MTCL2: variants seen among roughly 807,000 people sequenced by gnomAD.
The protein encoded by MTCL2 is microtubule crosslinking factor 2.
At chr20:36,798,872 C>G in the MTCL2 span, among the ~76,000 whole-genome samples, 1 of 152,210 alleles carries the variant, frequency 6.6e-6, no homozygotes, top group East Asian at 1.9e-4. Flanking sequence ...GTCCCAGAAC[C>G]CTCAGTTCTA....
At chr20:36,828,993 G>C in the MTCL2 span, 9,632 of 1,460,864 alleles carry the variant, frequency 6.6e-3, 45 homozygotes, top group Non-Finnish European at 7.5e-3. Context: ...CACTGGCTTG[G>C]GGGGGCTTGC....
the MTCL2 span, among the ~76,000 whole-genome samples, chr20:36,855,239 C>G: frequency 2.6e-5 from 4 of 152,244 alleles, no homozygotes; most frequent in Non-Finnish European, 4.4e-5. Flanking sequence ...ACATCCACAT[C>G]CCCATTCTAC....
At chr20:36,785,821 C>T in the MTCL2 span, 1 of 985,482 alleles carries the variant, frequency 1.0e-6, no homozygotes, top group Admixed American at 6.1e-5. Context: ...CCTCCCAGCT[C>T]TTGCTGCATC....
At chr20:36,836,205 C>T in the MTCL2 span, among the ~76,000 whole-genome samples, 1 of 151,418 alleles carries the variant, frequency 6.6e-6, no homozygotes, top group African/African-American at 2.4e-5. Context: ...GAGACCTTGT[C>T]GCTCTGTCGC....
the MTCL2 span, among the ~76,000 whole-genome samples, chr20:36,811,831 A>G: frequency 6.6e-6 from 1 of 152,070 alleles, no homozygotes; most frequent in Non-Finnish European, 1.5e-5. Flanking sequence ...CTTCCAAGAG[A>G]TGCTCAGAAA....
At chr20:36,785,280 C>G in the MTCL2 span, 2 of 985,334 alleles carry the variant, frequency 2.0e-6, no homozygotes, top group Non-Finnish European at 2.4e-6. Flanking sequence ...CATGCCTGCC[C>G]GTGCTGTTAG....
At chr20:36,786,634 C>G in the MTCL2 span, 2 of 1,548,876 alleles carry the variant, frequency 1.3e-6, no homozygotes, top group East Asian at 4.9e-5. Flanking sequence ...TCACAAACAG[C>G]GTCCTAGGAA....
chr20:36,813,553 G>A, the MTCL2 span, among the ~76,000 whole-genome samples: 1 of 151,150 alleles, frequency 6.6e-6, no homozygotes, highest in Non-Finnish European at 1.5e-5. Flanking sequence ...GGCCAACATC[G>A]TGAAACCCCA....
chr20:36,848,676 T>G, the MTCL2 span, among the ~76,000 whole-genome samples: 1 of 152,168 alleles, frequency 6.6e-6, no homozygotes, highest in African/African-American at 2.4e-5. Context: ...GGGTGAGACC[T>G]CCAAGCAGGA....
the MTCL2 span, among the ~76,000 whole-genome samples, chr20:36,818,362 C>T: frequency 3.3e-5 from 5 of 152,118 alleles, no homozygotes; most frequent in Admixed American, 1.3e-4. Context: ...TGCCTGAGGC[C>T]AAGAGTTTGA....
the MTCL2 span, among the ~76,000 whole-genome samples, chr20:36,788,964 G>T: frequency 1.3e-5 from 2 of 151,922 alleles, no homozygotes; most frequent in Admixed American, 1.3e-4. Context: ...GTGCCACCAC[G>T]CCCGGCTAAT....
At chr20:36,789,062 G>T in the MTCL2 span, among the ~76,000 whole-genome samples, 1 of 151,984 alleles carries the variant, frequency 6.6e-6, no homozygotes, top group East Asian at 1.9e-4. Flanking sequence ...GAGCCACTGC[G>T]CCCAGCCTCT....
At chr20:36,827,437 C>T in the MTCL2 span, among the ~76,000 whole-genome samples, 1 of 147,394 alleles carries the variant, frequency 6.8e-6, no homozygotes, top group Non-Finnish European at 1.5e-5. Flanking sequence ...GATCTCACCT[C>T]ACTGCAGCCT....
chr20:36,815,443 T>A, the MTCL2 span: 2 of 1,610,710 alleles, frequency 1.2e-6, no homozygotes, highest in East Asian at 2.2e-5. The surrounding 1 kb of genome is among the most constrained non-coding windows in gnomAD (Gnocchi z 5.3). Flanking sequence ...AGGACATCGA[T>A]GGCCTTACTG....
At chr20:36,856,083 A>C in the MTCL2 span, among the ~76,000 whole-genome samples, 1 of 150,094 alleles carries the variant, frequency 6.7e-6, no homozygotes, top group African/African-American at 2.5e-5. Flanking sequence ...CCCTTCCCAG[A>C]CTCTCCCCAT....
At chr20:36,785,993 C>T in the MTCL2 span, 1 of 986,518 alleles carries the variant, frequency 1.0e-6, no homozygotes. Context: ...AACAGGGCTC[C>T]ACCAGGAACC....
At chr20:36,804,227 T>C in the MTCL2 span, among the ~76,000 whole-genome samples, 2 of 152,040 alleles carry the variant, frequency 1.3e-5, no homozygotes, top group Admixed American at 6.5e-5. Context: ...GGTCAGAGCA[T>C]TCTCTCTGAG....
At chr20:36,846,155 A>C in the MTCL2 span, among the ~76,000 whole-genome samples, 8 of 151,908 alleles carry the variant, frequency 5.3e-5, no homozygotes, top group Non-Finnish European at 7.4e-5. Context: ...GTAGTGAGCC[A>C]AGATCGCACC....
At chr20:36,797,430 G>A in the MTCL2 span, 1 of 1,486,210 alleles carries the variant, frequency 6.7e-7, no homozygotes, top group Non-Finnish European at 9.2e-7. Flanking sequence ...TTCCTCTCAT[G>A]TCCCCCACAA....
Sources: gnomAD v4.1 joint callset for allele counts (sites outside exome capture counted in the v4.1 genomes callset) on GRCh38, gnomAD v4.1.1 for gene constraint, Gnocchi (gnomAD v3.1) non-coding constraint, MANE v1.5 for transcripts, NCBI Gene and HGNC (gene_info 2026-07-23, HGNC 2026-07-21) for gene names.